DGKB: variants seen among roughly 807,000 people sequenced by gnomAD.
DGKB encodes the protein diacylglycerol kinase beta, also known as 90 kDa diacylglycerol kinase.
Under a neutral mutation model 114.3 loss-of-function variants are expected in DGKB, and 67 were observed. That is an observed-to-expected ratio of 0.59 (90% CI 0.48 to 0.72). The LOEUF (loss-of-function observed/expected upper bound fraction) is 0.72. Ranked by LOEUF, DGKB falls within the 30% of genes least tolerant of loss-of-function variation. The probability of loss-of-function intolerance (pLI) is 0.00; values close to 1 mark genes in which losing one functional copy is unlikely to be tolerated. For synonymous variants in DGKB, 398 were observed against 323.1 expected (o/e 1.23, Z -2.49); for missense variants, 907 against 975.2 (o/e 0.93, Z 0.93).
At chr7:14,612,908 G>C (rs1008687920) in intron 16 of DGKB, among the ~76,000 whole-genome samples, 9 of 152,132 alleles carry the variant, frequency 5.9e-5, no homozygotes, top group Middle Eastern at 3.4e-3. Context: ...AGGAAATATG[G>C]CATCATGTTC....
chr7:14,659,653 A>G lies in DGKB; in HGVS notation c.1134+13276T>C, dbSNP rs556983125. Among the ~76,000 whole-genome samples the G allele has an allele frequency of 4.5e-3, 668 of 147,464 alleles. 1 individual carries two copies. The highest frequency in any genetic ancestry group is 0.015 in the African/African-American group (590 of 40,088). On this transcript the variant is annotated intron_variant, in intron 13 of 25. Transcript: ENST00000402815. ...TTGGGCTGAGACAATGGGGTTTTCTAGATATACAATCATGTCGTCTGCAAA... is the reference window on the plus strand; with the variant it reads ...TTGGGCTGAGACAATGGGGTTTTCTGGATATACAATCATGTCGTCTGCAAA...
At chr7:14,251,662 GCTTTT>G (rs891889140) in intron 23 of DGKB, among the ~76,000 whole-genome samples, 3 of 152,060 alleles carry the variant, frequency 2.0e-5, no homozygotes, top group African/African-American at 7.2e-5. Flanking sequence ...AAGAACTCTA[GCTTTT>G]CTTTTAAGTT....
At chr7:14,902,155 G>T (rs1293866480) in intron 1 of DGKB, among the ~76,000 whole-genome samples, 1 of 152,082 alleles carries the variant, frequency 6.6e-6, no homozygotes, top group South Asian at 2.1e-4. Context: ...TTGCTTGCTT[G>T]CTTGTTTAGT....
intron 1 of DGKB, among the ~76,000 whole-genome samples, chr7:14,920,229 T>G (rs929706901): frequency 1.3e-5 from 2 of 152,168 alleles, no homozygotes; most frequent in African/African-American, 4.8e-5. Context: ...TGCTACAGCC[T>G]CAAAGACAGT....
At chr7:14,552,734 C>G (rs2052979) in intron 20 of DGKB, among the ~76,000 whole-genome samples, 86,600 of 152,066 alleles carry the variant, frequency 0.57, 25,116 homozygotes, top group East Asian at 0.85. Flanking sequence ...TCCTTTCTCT[C>G]CACTAGGAAA....
intron 23 of DGKB, among the ~76,000 whole-genome samples, chr7:14,203,565 G>A (rs1421556599): frequency 1.3e-5 from 2 of 151,942 alleles, no homozygotes; most frequent in African/African-American, 4.8e-5. Flanking sequence ...GAATAAATCT[G>A]CAAGCCAGTG....
At chr7:14,934,871 T>C (rs945826398) in intron 1 of DGKB, among the ~76,000 whole-genome samples, 1 of 152,218 alleles carries the variant, frequency 6.6e-6, no homozygotes, top group Admixed American at 6.5e-5. Context: ...TTAATGCATT[T>C]TTATCAGTGA....
At chr7:14,857,326 G>T (rs770159548) in intron 1 of DGKB, among the ~76,000 whole-genome samples, 1 of 147,214 alleles carries the variant, frequency 6.8e-6, no homozygotes, top group East Asian at 2.1e-4. Flanking sequence ...CAGGTTCAAG[G>T]GAATACATTC....
At chr7:14,876,429 C>G (rs1041824015) in intron 1 of DGKB, among the ~76,000 whole-genome samples, 1 of 152,216 alleles carries the variant, frequency 6.6e-6, no homozygotes, top group Non-Finnish European at 1.5e-5. Context: ...TTTCTTCTGC[C>G]TCTGGCTTGC....
intron 1 of DGKB, among the ~76,000 whole-genome samples, chr7:14,848,935 C>T (rs1169297304): frequency 1.3e-5 from 2 of 151,988 alleles, no homozygotes; most frequent in African/African-American, 4.8e-5. Flanking sequence ...GTATTACAAT[C>T]TGAAAGCTTT....
At chr7:14,686,706 A>T (rs1821748501) in intron 9 of DGKB, among the ~76,000 whole-genome samples, 1 of 152,164 alleles carries the variant, frequency 6.6e-6, no homozygotes, top group Admixed American at 6.5e-5. Flanking sequence ...AATCTACAGT[A>T]ACTAATTCTT....
At chr7:14,511,021 T>C (rs922713113) in intron 20 of DGKB, among the ~76,000 whole-genome samples, 1 of 152,200 alleles carries the variant, frequency 6.6e-6, no homozygotes, top group Non-Finnish European at 1.5e-5. Flanking sequence ...CCATTTATAT[T>C]GCACAGTTAG....
At chr7:14,169,116 T>C (rs1780429463) in intron 25 of DGKB, among the ~76,000 whole-genome samples, 1 of 151,456 alleles carries the variant, frequency 6.6e-6, no homozygotes, top group Non-Finnish European at 1.5e-5. Context: ...TCCCAGCACT[T>C]TGGGAGGCCG....
chr7:14,281,905 A>C (rs1183730935), intron 23 of DGKB, among the ~76,000 whole-genome samples: 2 of 139,164 alleles, frequency 1.4e-5, no homozygotes, highest in Non-Finnish European at 3.1e-5. Context: ...CACAAGAGAA[A>C]GCAGGAAAGA....
intron 2 of DGKB, among the ~76,000 whole-genome samples, chr7:14,828,430 C>G (rs1845981889): frequency 6.6e-6 from 1 of 152,014 alleles, no homozygotes; most frequent in African/African-American, 2.4e-5. Flanking sequence ...TGAAAGCTGA[C>G]ATATTGGTAG....
intron 21 of DGKB, among the ~76,000 whole-genome samples, chr7:14,382,426 C>T (rs1563066667): frequency 6.8e-6 from 1 of 147,412 alleles, no homozygotes; most frequent in Admixed American, 6.9e-5. Flanking sequence ...ATAATCTTTT[C>T]AGTGCTTACA....
intron 25 of DGKB, among the ~76,000 whole-genome samples, chr7:14,157,792 CTGTTCATCTTTT>C (rs1783242908): frequency 6.6e-6 from 1 of 152,162 alleles, no homozygotes; most frequent in Admixed American, 6.6e-5. Context: ...AAACCAGTAA[CTGTTCATCTTTT>C]CTTAGAGTAT....
chr7:14,903,833 C>A (rs1783487790), upstream of DGKB, among the ~76,000 whole-genome samples: 1 of 151,990 alleles, frequency 6.6e-6, no homozygotes. Context: ...TGTACAAAAC[C>A]AGACAGTTAT....
At chr7:14,596,893 C>T (rs1802673526) in intron 17 of DGKB, among the ~76,000 whole-genome samples, 1 of 152,050 alleles carries the variant, frequency 6.6e-6, no homozygotes, top group Non-Finnish European at 1.5e-5. Flanking sequence ...GTTAAAATAC[C>T]CTCTTTTTAA....
Sources: allele counts gnomAD v4.1 joint callset (sites outside exome capture counted in the v4.1 genomes callset), GRCh38; gene constraint gnomAD v4.1.1; transcripts MANE v1.5; gene names NCBI Gene and HGNC (gene_info 2026-07-23, HGNC 2026-07-21).